DMD: variants seen among roughly 807,000 people sequenced by gnomAD.
The protein encoded by DMD is mutant dystrophin.
Under a neutral mutation model 330.1 loss-of-function variants are expected in DMD, and 63 were observed. The ratio of observed to expected loss-of-function variants is 0.19; its 90% CI spans 0.16 to 0.24. The LOEUF is 0.24. Among genes scored for constraint, DMD ranks in the 10% least tolerant of loss-of-function variants. The probability of loss-of-function intolerance (pLI) is 1.00; values close to 1 mark genes in which losing one functional copy is unlikely to be tolerated. For synonymous variants in DMD, 1,223 were observed against 959.8 expected, an observed-to-expected ratio of 1.27 and a Z score of -5.07; for missense variants, 3,344 against 2,684.1, an observed-to-expected ratio of 1.25 and a Z score of -5.43.
intron 44 of DMD, among the ~76,000 whole-genome samples, chrX:32,065,194 T>C (rs1408395035): frequency 1.8e-5 from 2 of 111,380 alleles, no homozygotes; most frequent in African/African-American, 3.3e-5. Flanking sequence ...TTGAGCTGAT[T>C]GTCTACGTAA....
intron 4 of DMD, among the ~76,000 whole-genome samples, chrX:32,838,535 T>C (rs913775245): frequency 2.0e-4 from 22 of 111,752 alleles, no homozygotes; most frequent in Non-Finnish European, 3.9e-4. Context: ...CTGAGAATGA[T>C]GGTTTCCAGC....
intron 55 of DMD, among the ~76,000 whole-genome samples, chrX:31,597,231 C>T (rs1165567081): frequency 2.7e-5 from 3 of 111,323 alleles, no homozygotes; most frequent in East Asian, 5.6e-4. Context: ...TTTAAAAATA[C>T]GGTTTTTAAA....
rs754504900 is a variant in DMD, at chrX:31,928,163, G to A, written c.6912+1433C>T. Among the ~76,000 whole-genome samples, 5 of 111,906 alleles carry A rather than the reference G, an allele frequency of 4.5e-5. No individual in the cohort carries two copies. The South Asian group carries it at 1.8e-3, about 41-fold the overall frequency. ...CTGAGGGAAGTAAGGCAGACACAAA[G>A]TGGCAAATATATAATTCCAATTATA... On this transcript the variant is annotated intron_variant, in intron 47 of 78. Coordinates refer to ENST00000357033, the MANE Select transcript of DMD (RefSeq NM_004006.3).
In DMD at chrX:32,645,066, T is replaced by A. The variant is rs1044325754; in HGVS notation, c.1047A>T (p.Glu349Asp). Reference sequence around the variant, plus strand: ...CAGAAAGAAGCCACGATAATACTTCTTCTAAAGCTGTTTGATAACGGTCCA... The same window carrying A: ...CAGAAAGAAGCCACGATAATACTTCATCTAAAGCTGTTTGATAACGGTCCA... ...VNLDRYQTAL[E>D]EVLSWLLSAE... The change falls in exon 10 of 79, where the codon GAA becomes GAT. Residue 349 changes from glutamate (E) to aspartate (D), a missense_variant. Coordinates refer to ENST00000357033, the MANE Select transcript of DMD (RefSeq NM_004006.3). 1 of 1,211,785 alleles carries A rather than the reference T, an allele frequency of 8.3e-7. No individual in the cohort carries two copies. The highest frequency in any genetic ancestry group is 1.1e-6 in the Non-Finnish European group (1 of 895,468).
intron 2 of DMD, among the ~76,000 whole-genome samples, chrX:33,004,205 G>A (rs1310591098): frequency 8.9e-6 from 1 of 112,143 alleles, no homozygotes; most frequent in Middle Eastern, 4.6e-3. Context: ...CTTTTAAAAA[G>A]GTGTAACTCT....
At chrX:32,441,407 A>G in intron 27 of DMD, 93 bp from the exon 28 acceptor site, 1 of 909,563 alleles carries the variant, frequency 1.1e-6, no homozygotes, top group Non-Finnish European at 1.6e-6. Flanking sequence ...CTGAAAATAT[A>G]ACACTTTGTA....
intron 7 of DMD, among the ~76,000 whole-genome samples, chrX:32,744,999 G>A (rs758572189): frequency 3.7e-4 from 41 of 111,278 alleles, no homozygotes; most frequent in Non-Finnish European, 5.3e-4. Flanking sequence ...ACTGTTTCAC[G>A]CAGCTATGAT....
At chrX:31,512,289 G>T (rs2071698722) in intron 55 of DMD, among the ~76,000 whole-genome samples, 1 of 107,476 alleles carries the variant, frequency 9.3e-6, no homozygotes, top group South Asian at 4.1e-4. Context: ...TAGGTTGCCT[G>T]TTCACTCTGA....
intron 37 of DMD, among the ~76,000 whole-genome samples, chrX:32,357,178 C>G: frequency 8.9e-6 from 1 of 112,045 alleles, no homozygotes; most frequent in Non-Finnish European, 1.9e-5. Context: ...CGTGAGCCAC[C>G]GCACCAGGCC....
At chrX:32,423,469 C>G (rs1475605057) in intron 29 of DMD, among the ~76,000 whole-genome samples, 1 of 109,794 alleles carries the variant, frequency 9.1e-6, no homozygotes, top group Non-Finnish European at 1.9e-5. Context: ...TACATATGTG[C>G]TTATATACAT....
At chrX:32,334,260 C>T (rs2097694606) in intron 41 of DMD, among the ~76,000 whole-genome samples, 1 of 111,673 alleles carries the variant, frequency 9.0e-6, no homozygotes, top group Non-Finnish European at 1.9e-5. Flanking sequence ...CATCCTGGTG[C>T]AACATTTCCC....
At chrX:32,862,354 G>A (rs67504803) in intron 2 of DMD, among the ~76,000 whole-genome samples, 16 of 111,565 alleles carry the variant, frequency 1.4e-4, no homozygotes, top group Non-Finnish European at 5.6e-5. Context: ...ATGTGCATTC[G>A]AACTTTAAAT....
intron 2 of DMD, among the ~76,000 whole-genome samples, chrX:33,012,176 A>T (rs1022306781): frequency 7.2e-5 from 8 of 111,601 alleles, no homozygotes; most frequent in Admixed American, 5.8e-4. Context: ...TCACTAACTG[A>T]GTAATATCCT....
chrX:31,626,517 C>T (rs2078856478), intron 55 of DMD, among the ~76,000 whole-genome samples: 1 of 111,255 alleles, frequency 9.0e-6, no homozygotes, highest in African/African-American at 3.3e-5. Context: ...AAATTACCTC[C>T]AAATGATCAA....
chrX:31,793,356 C>T (rs2091668977), intron 50 of DMD, among the ~76,000 whole-genome samples: 1 of 111,163 alleles, frequency 9.0e-6, no homozygotes, highest in Non-Finnish European at 1.9e-5. Flanking sequence ...AGCTTCTCTG[C>T]CTCCTGCCGC....
intron 43 of DMD, among the ~76,000 whole-genome samples, chrX:32,253,204 A>G (rs1030991083): frequency 2.8e-5 from 3 of 109,000 alleles, no homozygotes; most frequent in Non-Finnish European, 3.8e-5. Context: ...GAAGATAAGT[A>G]TTTAAATGAA....
rs139880427 is a variant in DMD, at chrX:33,103,001, A to G, written c.32-82801T>C. On this transcript the variant is annotated intron_variant, in intron 1 of 78. Transcript: ENST00000357033. ...AAGGGGTAGTCTCATTTCTTTACTG[A>G]AGACTACTGTGAAATTGTGAGGATG... Among the ~76,000 whole-genome samples, 30 of 111,303 alleles carry G rather than the reference A, an allele frequency of 2.7e-4. No individual in the cohort carries two copies. The East Asian group carries it at 7.7e-3, about 28-fold the overall frequency.
chrX:32,131,851 G>C (rs1370666029), intron 44 of DMD, among the ~76,000 whole-genome samples: 1 of 112,041 alleles, frequency 8.9e-6, no homozygotes, highest in Non-Finnish European at 1.9e-5. Flanking sequence ...GAAGACCTCA[G>C]TGCCAGACCC....
chrX:32,566,685 T>A (rs2051753103), intron 15 of DMD, among the ~76,000 whole-genome samples: 1 of 111,897 alleles, frequency 8.9e-6, no homozygotes, highest in African/African-American at 3.3e-5. Flanking sequence ...GGTTACAAAC[T>A]CCCTTTGGTT....
Sources: allele counts gnomAD v4.1 joint callset (sites outside exome capture counted in the v4.1 genomes callset), GRCh38; gene constraint gnomAD v4.1.1; transcripts MANE v1.5; gene names NCBI Gene and HGNC (gene_info 2026-07-23, HGNC 2026-07-21).